Variants in USP9X observed in about 807,000 individuals in gnomAD.
USP9X encodes ubiquitin carboxyl-terminal hydrolase 9X.
Under a neutral mutation model 190.3 loss-of-function variants are expected in USP9X, and 7 were observed. That is an observed-to-expected ratio of 0.04 (90% CI 0.02 to 0.07). USP9X has a LOEUF of 0.07. Ranked by LOEUF, USP9X falls within the 10% of genes least tolerant of loss-of-function variation. The pLI, the probability that USP9X is intolerant of heterozygous loss-of-function variation, is 1.00. For missense variants in USP9X, 1,010 were observed against 1,916.9 expected (o/e 0.53, Z 8.83); for synonymous variants, 645 against 659.5 (o/e 0.98, Z 0.34).
intron 1 of USP9X, among the ~76,000 whole-genome samples, chrX:41,112,239 G>A (rs1415600423): frequency 2.7e-5 from 3 of 112,461 alleles, no homozygotes; most frequent in Non-Finnish European, 1.9e-5. Flanking sequence ...CAAAACAATT[G>A]TAGGAATGGA....
intron 4 of USP9X, among the ~76,000 whole-genome samples, chrX:41,133,273 C>T (rs557596740): frequency 1.8e-5 from 2 of 111,867 alleles, no homozygotes; most frequent in African/African-American, 6.5e-5. Flanking sequence ...CAGTTGTTTT[C>T]ACCACTCAGA....
chrX:41,167,603 T>C, intron 17 of USP9X, 26 bp downstream of exon 17: 1 of 1,069,472 alleles, frequency 9.4e-7, no homozygotes, highest in Non-Finnish European at 1.3e-6. Context: ...CATTAAAACT[T>C]CCATATATAA....
intron 12 of USP9X, 89 bp downstream of exon 12, chrX:41,148,664 T>C (rs2062492680): frequency 4.5e-6 from 4 of 888,231 alleles, no homozygotes; most frequent in East Asian, 3.2e-5. Flanking sequence ...TACTCTGACA[T>C]TGTTAGTTTT....
At chrX:41,218,683 A>G (rs994243875) in intron 37 of USP9X, 86 bp downstream of exon 37, 1 of 865,653 alleles carries the variant, frequency 1.2e-6, no homozygotes, top group African/African-American at 2.0e-5. Flanking sequence ...GCATATGTGC[A>G]TCCACTTGAT....
chrX:41,132,648 C>T (rs1227179658), intron 4 of USP9X, among the ~76,000 whole-genome samples: 2 of 109,380 alleles, frequency 1.8e-5, no homozygotes, highest in African/African-American at 3.3e-5. Flanking sequence ...TAGAGACAGA[C>T]TGGTTCCCCA....
At chrX:41,192,107 C>T (rs2284117) in intron 26 of USP9X, among the ~76,000 whole-genome samples, 14,945 of 111,215 alleles carry the variant, frequency 0.13, 910 homozygotes, top group East Asian at 0.21. Context: ...CTGTTGACTA[C>T]ACGGCAAGCA....
At chrX:41,122,014 C>A (rs2062194088) in intron 1 of USP9X, among the ~76,000 whole-genome samples, 1 of 111,203 alleles carries the variant, frequency 9.0e-6, no homozygotes, top group Non-Finnish European at 1.9e-5. Flanking sequence ...AAGTAGAGAG[C>A]TGAGATCATC....
At chrX:41,154,548 T>C (rs771394370) in intron 14 of USP9X, among the ~76,000 whole-genome samples, 73 of 111,947 alleles carry the variant, frequency 6.5e-4, no homozygotes, top group African/African-American at 2.3e-3. Flanking sequence ...TAGGGTTTTT[T>C]CTGCTACATT....
intron 1 of USP9X, among the ~76,000 whole-genome samples, chrX:41,099,144 A>G (rs1178297235): frequency 1.4e-5 from 1 of 69,679 alleles, no homozygotes; most frequent in Non-Finnish European, 2.5e-5. Context: ...GAGTCTCACT[A>G]TGTTGCTCAG....
intron 39 of USP9X, among the ~76,000 whole-genome samples, chrX:41,223,893 A>G (rs1289906419): frequency 8.9e-6 from 1 of 111,899 alleles, no homozygotes; most frequent in African/African-American, 3.3e-5. Context: ...TACCATGTTT[A>G]TGAAATAGTT....
rs1417450529 is a variant in USP9X, at chrX:41,086,670, C to A, written c.-159+561C>A. 1.2e-4 allele frequency among the ~76,000 whole-genome samples: 14 copies of A among 112,718 alleles called. No homozygotes were observed. In the East Asian group the frequency reaches 3.4e-3, roughly 27 times the overall value. On this transcript the variant is annotated intron_variant, in intron 1 of 44. Transcript: ENST00000378308. ...CGATAACCCGCAGTTTCTCCCCGGC[C>A]CTGGGCTCCTGGAGTGGGAGCTGGG...
chrX:41,191,982 G>T (rs946069223), intron 26 of USP9X, among the ~76,000 whole-genome samples: 6 of 110,905 alleles, frequency 5.4e-5, no homozygotes, highest in African/African-American at 2.0e-4. Context: ...ATGTGTCTTT[G>T]AACTCCATAC....
intron 15 of USP9X, among the ~76,000 whole-genome samples, chrX:41,165,356 G>A (rs1353859260): frequency 2.7e-5 from 3 of 111,654 alleles, no homozygotes; most frequent in Non-Finnish European, 5.6e-5. Context: ...TTCCCCAGTA[G>A]CTGGGACTAC....
chrX:41,135,450 A>G (rs1253039555), intron 5 of USP9X, among the ~76,000 whole-genome samples: 1 of 111,970 alleles, frequency 8.9e-6, no homozygotes, highest in East Asian at 2.8e-4. Flanking sequence ...AGTGCCCCCA[A>G]GTGACTAGCA....
At chrX:41,231,150 A>C (rs2063356152) in intron 44 of USP9X, among the ~76,000 whole-genome samples, 1 of 111,984 alleles carries the variant, frequency 8.9e-6, no homozygotes, top group South Asian at 3.7e-4. Context: ...TGACTAAATC[A>C]GCTCTTGTGA....
Position 41,148,362 on chromosome X carries a change from T to C in USP9X, c.1420-7T>C, listed in dbSNP as rs1348320791. 4 of 1,211,028 alleles carry C rather than the reference T, an allele frequency of 3.3e-6. No individual in the cohort carries two copies. Among genetic ancestry groups the C allele is most frequent in the Non-Finnish European group, 4.5e-6 (4 of 895,176 alleles). ...TGTTGTTTTCATGTCACTTAATTTTTTTCTAGGCCAGTTGGACAAATGCGA... is the reference window on the plus strand; with the variant it reads ...TGTTGTTTTCATGTCACTTAATTTTCTTCTAGGCCAGTTGGACAAATGCGA... On this transcript the variant is annotated splice_region_variant and splice_polypyrimidine_tract_variant and intron_variant, in intron 11 of 44. Coordinates refer to ENST00000378308, the MANE Select transcript of USP9X (RefSeq NM_001039591.3).
intron 38 of USP9X, among the ~76,000 whole-genome samples, chrX:41,220,675 T>G (rs1301629698): frequency 8.9e-6 from 1 of 112,272 alleles, no homozygotes; most frequent in Non-Finnish European, 1.9e-5. Context: ...TTTGTTGGGC[T>G]GGGCGAGGTG....
chrX:41,134,467 A>G (rs1250532894), intron 4 of USP9X, among the ~76,000 whole-genome samples: 1 of 112,611 alleles, frequency 8.9e-6, no homozygotes, highest in Non-Finnish European at 1.9e-5. Context: ...ACTTATTTTC[A>G]GGGAGCAAAA....
At chrX:41,089,265 G>C (rs1358040943) in intron 1 of USP9X, among the ~76,000 whole-genome samples, 1 of 112,352 alleles carries the variant, frequency 8.9e-6, no homozygotes, top group African/African-American at 3.2e-5. Flanking sequence ...CGATGGGTCT[G>C]AGGTCTGTCA....
Sources: allele counts gnomAD v4.1 joint callset (sites outside exome capture counted in the v4.1 genomes callset), GRCh38; gene constraint gnomAD v4.1.1; transcripts MANE v1.5; gene names NCBI Gene and HGNC (gene_info 2026-07-23, HGNC 2026-07-21).